Variants in OPCML observed in about 807,000 individuals in gnomAD.
OPCML encodes the protein opioid binding protein/cell adhesion molecule like.
Under a neutral mutation model 37.8 loss-of-function variants are expected in OPCML, and 13 were observed. That is an observed-to-expected ratio of 0.34 (90% CI 0.22 to 0.55). OPCML has a LOEUF of 0.55. Ranked by LOEUF, OPCML falls within the 20% of genes least tolerant of loss-of-function variation. The pLI, the probability that OPCML is intolerant of heterozygous loss-of-function variation, is 0.91. For missense variants in OPCML, 341 were observed against 435.6 expected, an observed-to-expected ratio of 0.78 and a Z score of 1.93; for synonymous variants, 176 against 168.8, an observed-to-expected ratio of 1.04 and a Z score of -0.33.
chr11:133,237,429 T>C (rs895741446), intron 1 of OPCML, among the ~76,000 whole-genome samples: 10 of 152,172 alleles, frequency 6.6e-5, no homozygotes, highest in African/African-American at 2.4e-4. Context: ...AGTGAGGTAT[T>C]ACCAGGGCCA....
rs1000390568 is a variant in OPCML, at chr11:132,616,076, G to A, written c.379+41011C>T. Among the ~76,000 whole-genome samples the A allele has an allele frequency of 1.4e-4, 21 of 152,140 alleles. 1 individual carries two copies. Among genetic ancestry groups the A allele is most frequent in the Admixed American group, 1.2e-3 (18 of 15,280 alleles). ...ACCTCAGGATATTTTTTTCTGGGGC[G>A]TTGGTCAACCTAGAATAATTCTACC... On this transcript the variant is annotated intron_variant, in intron 3 of 7. Coordinates refer to ENST00000524381, the MANE Select transcript of OPCML (RefSeq NM_001012393.5).
intron 2 of OPCML, among the ~76,000 whole-genome samples, chr11:132,774,192 T>G (rs1353365057): frequency 6.6e-6 from 1 of 152,218 alleles, no homozygotes; most frequent in Non-Finnish European, 1.5e-5. Flanking sequence ...CCTAGAAGGT[T>G]ATCTGACACA....
At chr11:133,214,243 G>A (rs1939494577) in intron 1 of OPCML, among the ~76,000 whole-genome samples, 1 of 151,984 alleles carries the variant, frequency 6.6e-6, no homozygotes, top group Admixed American at 6.5e-5. Flanking sequence ...CACATTTTCA[G>A]ATTTATTGGC....
At chr11:132,573,199 T>G (rs1383376186) in intron 3 of OPCML, among the ~76,000 whole-genome samples, 1 of 151,920 alleles carries the variant, frequency 6.6e-6, no homozygotes, top group Non-Finnish European at 1.5e-5. Context: ...TATAATTTTG[T>G]CTCTTCCTTT....
At chr11:132,667,731 G>A (rs943279933) in intron 2 of OPCML, among the ~76,000 whole-genome samples, 9 of 152,162 alleles carry the variant, frequency 5.9e-5, no homozygotes, top group African/African-American at 2.2e-4. Flanking sequence ...GAAGGTAAAT[G>A]GAAGAACAGA....
chr11:132,697,247 C>T lies in OPCML; in HGVS notation c.147-39928G>A, dbSNP rs529631843. Among the ~76,000 whole-genome samples, 3 of 152,058 alleles carry T rather than the reference C, an allele frequency of 2.0e-5. No individual in the cohort carries two copies. The South Asian group carries it at 6.2e-4, about 32-fold the overall frequency. ...GCCACAGTCATGTTAATTAACATAT[C>T]CATCACCTCACATAATTACCTTCTT... On this transcript the variant is annotated intron_variant, in intron 2 of 7. Coordinates refer to ENST00000524381, the MANE Select transcript of OPCML (RefSeq NM_001012393.5).
At chr11:132,731,217 G>T (rs970724558) in intron 2 of OPCML, among the ~76,000 whole-genome samples, 3 of 152,138 alleles carry the variant, frequency 2.0e-5, no homozygotes, top group Admixed American at 6.5e-5. Flanking sequence ...AGTGGCTACT[G>T]CATTGGCAGC....
At chr11:133,414,476 C>A (rs1945717940) in intron 1 of OPCML, among the ~76,000 whole-genome samples, 3 of 152,114 alleles carry the variant, frequency 2.0e-5, no homozygotes, top group African/African-American at 7.2e-5. Flanking sequence ...CAGACCGAGA[C>A]CTAGTGGGCT....
At position 133,204,464 on chromosome 11, in the gene OPCML, T is replaced by C. The variant is rs1234247683; in HGVS notation, c.62-261454A>G. 2.0e-5 allele frequency among the ~76,000 whole-genome samples: 3 copies of C among 152,088 alleles called. No homozygotes were observed. In the South Asian group the frequency reaches 6.2e-4, roughly 32 times the overall value. On this transcript the variant is annotated intron_variant, in intron 1 of 7. Coordinates refer to ENST00000524381, the MANE Select transcript of OPCML (RefSeq NM_001012393.5). ...GGATGTTATGATATCTGGGCACCAG[T>C]GAGAATATAAGGCTACCAAGGAGTG... is the stretch of plus-strand genomic sequence containing the variant.
intron 3 of OPCML, among the ~76,000 whole-genome samples, chr11:132,588,575 A>G (rs900654301): frequency 1.3e-5 from 2 of 152,208 alleles, no homozygotes; most frequent in Non-Finnish European, 2.9e-5. Flanking sequence ...GCTCTGCTCC[A>G]GCCCCTTCTT....
intron 1 of OPCML, among the ~76,000 whole-genome samples, chr11:133,394,400 T>C (rs1421783240): frequency 6.6e-6 from 1 of 152,226 alleles, no homozygotes; most frequent in African/African-American, 2.4e-5. Flanking sequence ...ATCCTTTGTG[T>C]TACAAATAAT....
At chr11:132,972,295 G>A (rs894559517) in intron 1 of OPCML, among the ~76,000 whole-genome samples, 1 of 152,146 alleles carries the variant, frequency 6.6e-6, no homozygotes, top group Non-Finnish European at 1.5e-5. Context: ...TGATGACTGG[G>A]CAAGCCATTT....
chr11:132,748,763 C>A (rs757032799), intron 2 of OPCML, among the ~76,000 whole-genome samples: 16 of 152,088 alleles, frequency 1.1e-4, no homozygotes, highest in Non-Finnish European at 2.1e-4. Context: ...GATTGCTCTT[C>A]CTGTTCTGCG....
intron 2 of OPCML, among the ~76,000 whole-genome samples, chr11:132,919,651 T>A (rs1026346979): frequency 6.6e-6 from 1 of 152,188 alleles, no homozygotes; most frequent in Non-Finnish European, 1.5e-5. Context: ...TAGAGCCTGA[T>A]GACACACGTG....
intron 4 of OPCML, among the ~76,000 whole-genome samples, chr11:132,527,854 C>T (rs2096312780): frequency 6.6e-6 from 1 of 152,056 alleles, no homozygotes; most frequent in Non-Finnish European, 1.5e-5. Flanking sequence ...GGCTTATATC[C>T]TTATTAAAAG....
chr11:133,068,791 A>T (rs184293374), intron 1 of OPCML, among the ~76,000 whole-genome samples: 7 of 152,346 alleles, frequency 4.6e-5, no homozygotes, highest in African/African-American at 1.7e-4. Context: ...GGTTAGCCCC[A>T]GTTCTTCACA....
At chr11:132,870,590 T>A (rs1942758429) in intron 2 of OPCML, among the ~76,000 whole-genome samples, 1 of 152,186 alleles carries the variant, frequency 6.6e-6, no homozygotes, top group Non-Finnish European at 1.5e-5. Context: ...GTCGAAGAGA[T>A]GTCTGCCCTC....
At chr11:132,826,099 T>C (rs1940314207) in intron 2 of OPCML, among the ~76,000 whole-genome samples, 1 of 152,192 alleles carries the variant, frequency 6.6e-6, no homozygotes, top group African/African-American at 2.4e-5. Flanking sequence ...GTCCTGTCCA[T>C]CTCTGTGAAG....
At chr11:132,595,437 T>C (rs1378786257) in intron 3 of OPCML, among the ~76,000 whole-genome samples, 4 of 152,246 alleles carry the variant, frequency 2.6e-5, no homozygotes, top group African/African-American at 7.2e-5. Context: ...TGCTGTTACC[T>C]GTCTGTACCA....
Sources: gnomAD v4.1 joint callset for allele counts (sites outside exome capture counted in the v4.1 genomes callset) on GRCh38, gnomAD v4.1.1 for gene constraint, MANE v1.5 for transcripts, NCBI Gene and HGNC (gene_info 2026-07-23, HGNC 2026-07-21) for gene names.